SPATA13: variants seen among roughly 807,000 people sequenced by gnomAD.
SPATA13 encodes the protein spermatogenesis associated 13, also known as spermatogenesis-associated protein 13.
In SPATA13, 50 loss-of-function variants were observed where a neutral mutation model predicts 104.0. The observed-to-expected ratio is 0.48, with a 90% CI of 0.38 to 0.61. SPATA13 has a LOEUF of 0.61. SPATA13 is among the 20% of genes least tolerant of loss of function. The pLI, the probability that SPATA13 is intolerant of heterozygous loss-of-function variation, is 0.00. For synonymous variants in SPATA13, 606 were observed against 667.5 expected (o/e 0.91, Z 1.42); for missense variants, 1,524 against 1,690.6 (o/e 0.90, Z 1.73).
rs1882483964 is a variant in SPATA13 at position 24,161,366 on chromosome 13, GTGGCT to G, written c.-112+435_-112+439del. Reference sequence around the variant, plus strand: ...GTAACGCTCTGCTCCATCGGGTGGCGTGGCTGGTGCCTCCGGGGACCCGGAGCGAT... The same window carrying G: ...GTAACGCTCTGCTCCATCGGGTGGCGGGTGCCTCCGGGGACCCGGAGCGAT... On this transcript the variant is annotated intron_variant, in intron 1 of 12. Transcript: ENST00000382108. The surrounding 1 kb of genome is among the most constrained non-coding windows in gnomAD (Gnocchi z 4.5). 6.6e-6 allele frequency among the ~76,000 whole-genome samples: 1 copy of G among 152,206 alleles called. No individual in the cohort carries two copies. The highest frequency in any genetic ancestry group is 1.5e-5 in the Non-Finnish European group (1 of 68,028).
At chr13:23,980,551 G>A (rs1010370046) in intron 1 of SPATA13, among the ~76,000 whole-genome samples, 2 of 152,326 alleles carry the variant, frequency 1.3e-5, no homozygotes, top group South Asian at 2.1e-4. Flanking sequence ...GTGGTGTTAT[G>A]GAAGACATGA....
intron 3 of SPATA13, among the ~76,000 whole-genome samples, chr13:24,037,120 TTTAA>T (rs1877712386): frequency 6.7e-6 from 1 of 148,712 alleles, no homozygotes; most frequent in Admixed American, 6.8e-5. Context: ...CTTGCTAATT[TTTAA>T]TTAAGCTAAT....
chr13:24,052,800 G>T (rs1878389917), intron 3 of SPATA13, among the ~76,000 whole-genome samples: 1 of 44,678 alleles, frequency 2.2e-5, no homozygotes, highest in African/African-American at 8.9e-5. Flanking sequence ...CAGCTCAGGG[G>T]CCCGTGCAGC....
At chr13:23,987,001 C>CTATGTGTGTG (rs1555252373) in intron 2 of SPATA13, among the ~76,000 whole-genome samples, 2 of 141,426 alleles carry the variant, frequency 1.4e-5, no homozygotes, top group Non-Finnish European at 3.0e-5. Context: ...ATGGATATAT[C>CTATGTGTGTG]TGTGTGTGTG....
At chr13:24,007,382 C>T (rs1566070087) in intron 2 of SPATA13, among the ~76,000 whole-genome samples, 1 of 152,136 alleles carries the variant, frequency 6.6e-6, no homozygotes, top group Non-Finnish European at 1.5e-5. Flanking sequence ...GCCCCTGGGG[C>T]GACTGACTGC....
intron 3 of SPATA13, among the ~76,000 whole-genome samples, chr13:24,086,341 G>A (rs1593320284): frequency 6.6e-6 from 1 of 152,174 alleles, no homozygotes; most frequent in East Asian, 1.9e-4. Context: ...GGCAGCCCAG[G>A]CAAGGGGAAG....
At chr13:24,040,326 T>C (rs1877870705) in intron 3 of SPATA13, among the ~76,000 whole-genome samples, 1 of 152,150 alleles carries the variant, frequency 6.6e-6, no homozygotes, top group Non-Finnish European at 1.5e-5. Context: ...AGGAAATCAG[T>C]GGCTTGAGAA....
chr13:24,243,170 C>T (rs1872942362), intron 2 of SPATA13, among the ~76,000 whole-genome samples: 1 of 152,348 alleles, frequency 6.6e-6, no homozygotes, highest in African/African-American at 2.4e-5. Flanking sequence ...AATATATTCA[C>T]GTCACTCATC....
At chr13:24,211,238 C>T (rs890400875) in intron 1 of SPATA13, among the ~76,000 whole-genome samples, 4 of 152,224 alleles carry the variant, frequency 2.6e-5, no homozygotes, top group East Asian at 3.9e-4. Flanking sequence ...GATTCGGTTG[C>T]CTTTCTTTCT....
chr13:24,293,272 G>A (rs1593510091), intron 9 of SPATA13, among the ~76,000 whole-genome samples: 1 of 149,020 alleles, frequency 6.7e-6, no homozygotes, highest in Non-Finnish European at 1.5e-5. Context: ...CAAAATTGAA[G>A]AAAAAAAATT....
intron 3 of SPATA13, among the ~76,000 whole-genome samples, chr13:24,070,702 T>C (rs1178127001): frequency 6.6e-6 from 1 of 152,166 alleles, no homozygotes; most frequent in Non-Finnish European, 1.5e-5. Flanking sequence ...CCTCCCTAAT[T>C]TGGGTGGGTC....
At chr13:24,215,214 G>C (rs990846555) in intron 1 of SPATA13, among the ~76,000 whole-genome samples, 11 of 152,200 alleles carry the variant, frequency 7.2e-5, no homozygotes, top group Admixed American at 7.2e-4. Context: ...CATGACTGTC[G>C]TGCATGTCCT....
intron 3 of SPATA13, among the ~76,000 whole-genome samples, chr13:24,128,714 TA>T (rs1293854361): frequency 4.0e-5 from 5 of 126,274 alleles, no homozygotes; most frequent in Admixed American, 9.0e-5. Flanking sequence ...AATTTAAACA[TA>T]AAAAAAGTCC....
chr13:24,184,182 C>T (rs180680904), intron 1 of SPATA13, among the ~76,000 whole-genome samples: 20 of 152,196 alleles, frequency 1.3e-4, no homozygotes, highest in East Asian at 5.8e-4. Flanking sequence ...CTGGTGCTGG[C>T]GCTTGCTGAG....
At chr13:24,097,509 G>A (rs1880121400) in intron 3 of SPATA13, among the ~76,000 whole-genome samples, 1 of 152,042 alleles carries the variant, frequency 6.6e-6, no homozygotes, top group Non-Finnish European at 1.5e-5. Context: ...ATTCTGGGGA[G>A]ACTGCAGCAA....
chr13:24,022,750 G>A (rs568998292), intron 3 of SPATA13, among the ~76,000 whole-genome samples: 96 of 152,200 alleles, frequency 6.3e-4, no homozygotes, highest in African/African-American at 2.3e-3. Context: ...TCACCATTGT[G>A]GGCCATGTTG....
intron 3 of SPATA13, among the ~76,000 whole-genome samples, chr13:24,025,363 G>T (rs534168672): frequency 4.6e-5 from 7 of 151,974 alleles, no homozygotes; most frequent in Non-Finnish European, 8.8e-5. Flanking sequence ...AATAATACAT[G>T]TGTATGTACA....
chr13:24,181,819 A>C lies in SPATA13; in HGVS notation c.-112+20887A>C, dbSNP rs1868832251. ...AAGCATACACTTTACATGAACTATA[A>C]AAAGTATAGTATAGGCCGGGTGTGG... On this transcript the variant is annotated intron_variant, in intron 1 of 12. Transcript: ENST00000382108. Among the ~76,000 whole-genome samples, 3 of 129,874 alleles carry C rather than the reference A, an allele frequency of 2.3e-5. No individual in the cohort carries two copies. In the South Asian group the frequency reaches 8.1e-4, roughly 35 times the overall value. 85.2% of individuals were successfully genotyped at this position (129,874 alleles called of 152,430 possible). A position where few individuals can be genotyped will look rare whatever the true frequency, so the allele number is the denominator to read the frequency against.
intron 4 of SPATA13, among the ~76,000 whole-genome samples, chr13:24,253,986 A>G (rs1196688461): frequency 1.3e-5 from 2 of 152,122 alleles, no homozygotes; most frequent in Non-Finnish European, 2.9e-5. Flanking sequence ...CAGCAGGAGC[A>G]TATTATGTTC....
Sources: gnomAD v4.1 joint callset for allele counts (sites outside exome capture counted in the v4.1 genomes callset) on GRCh38, gnomAD v4.1.1 for gene constraint, Gnocchi (gnomAD v3.1) non-coding constraint, MANE v1.5 for transcripts, NCBI Gene and HGNC (gene_info 2026-07-23, HGNC 2026-07-21) for gene names.